OPCML: variants seen among roughly 807,000 people sequenced by gnomAD.
OPCML encodes the protein opioid-binding protein/cell adhesion molecule.
Under a neutral mutation model 37.8 loss-of-function variants are expected in OPCML, and 13 were observed. The ratio of observed to expected loss-of-function variants is 0.34; its 90% CI spans 0.22 to 0.55. The LOEUF (loss-of-function observed/expected upper bound fraction) is 0.55, where lower values mean the gene tolerates loss of function less well. Among genes scored for constraint, OPCML ranks in the 20% least tolerant of loss-of-function variants. The pLI, the probability that OPCML is intolerant of heterozygous loss-of-function variation, is 0.91. For missense variants in OPCML, 341 were observed against 435.6 expected, an observed-to-expected ratio of 0.78 and a Z score of 1.93; for synonymous variants, 176 against 168.8, an observed-to-expected ratio of 1.04 and a Z score of -0.33.
At chr11:132,421,193 T>C (rs897212949) in intron 7 of OPCML, among the ~76,000 whole-genome samples, 1 of 152,198 alleles carries the variant, frequency 6.6e-6, no homozygotes, top group African/African-American at 2.4e-5. Context: ...CCATCACCTT[T>C]ATCAGCAAGC....
At chr11:133,521,874 G>A (rs866410219) in intron 1 of OPCML, among the ~76,000 whole-genome samples, 2 of 152,326 alleles carry the variant, frequency 1.3e-5, no homozygotes, top group Middle Eastern at 3.4e-3. Context: ...TTTCTTCCTA[G>A]AATGGAAATT....
At chr11:132,521,894 T>A (rs1273300312) in intron 4 of OPCML, among the ~76,000 whole-genome samples, 1 of 152,188 alleles carries the variant, frequency 6.6e-6, no homozygotes, top group Non-Finnish European at 1.5e-5. Flanking sequence ...TCGGCAACAT[T>A]CAGTCACACA....
chr11:133,095,989 T>C (rs1415557481), intron 1 of OPCML, among the ~76,000 whole-genome samples: 1 of 151,810 alleles, frequency 6.6e-6, no homozygotes, highest in Non-Finnish European at 1.5e-5. Flanking sequence ...AAACTATATG[T>C]CAGAAACTCA....
chr11:133,024,549 A>C (rs907245835), intron 1 of OPCML: 2 of 985,176 alleles, frequency 2.0e-6, no homozygotes, highest in African/African-American at 3.5e-5. Context: ...CTTTGCACGT[A>C]ATTCATGTAC....
chr11:133,478,135 G>A (rs574291716), intron 1 of OPCML, among the ~76,000 whole-genome samples: 26 of 152,256 alleles, frequency 1.7e-4, no homozygotes, highest in African/African-American at 3.9e-4. Context: ...GCTAAGATGC[G>A]TCAGGGTGGC....
chr11:133,118,800 C>G (rs1019789402), intron 1 of OPCML, among the ~76,000 whole-genome samples: 2 of 152,164 alleles, frequency 1.3e-5, no homozygotes, highest in African/African-American at 4.8e-5. Flanking sequence ...CCTCCCTCTC[C>G]CAATAAAGTG....
intron 4 of OPCML, among the ~76,000 whole-genome samples, chr11:132,508,711 C>A (rs967228769): frequency 1.8e-4 from 28 of 152,128 alleles, no homozygotes; most frequent in African/African-American, 6.8e-4. Flanking sequence ...TCCTCATTTT[C>A]TCTTGTCACC....
intron 3 of OPCML, among the ~76,000 whole-genome samples, chr11:132,531,073 C>T (rs1398987755): frequency 1.3e-5 from 2 of 152,156 alleles, no homozygotes; most frequent in Non-Finnish European, 2.9e-5. Flanking sequence ...TGTCTTCTGA[C>T]TGTCTTTGCA....
chr11:133,243,411 A>T (rs960712847), intron 1 of OPCML, among the ~76,000 whole-genome samples: 1 of 152,212 alleles, frequency 6.6e-6, no homozygotes, highest in African/African-American at 2.4e-5. Context: ...ACCAGCCACC[A>T]AATAACTTGA....
At chr11:132,537,798 T>A (rs904387650) in intron 3 of OPCML, among the ~76,000 whole-genome samples, 30 of 152,054 alleles carry the variant, frequency 2.0e-4, no homozygotes, top group African/African-American at 7.0e-4. Context: ...TAATCGCCAA[T>A]AAGCACATAA....
intron 1 of OPCML, among the ~76,000 whole-genome samples, chr11:133,321,844 C>T (rs1943337414): frequency 6.6e-6 from 1 of 152,046 alleles, no homozygotes. Context: ...ACCTGCGTGA[C>T]TATTTCAAAC....
chr11:132,739,721 T>C (rs1429287610), intron 2 of OPCML, among the ~76,000 whole-genome samples: 1 of 152,218 alleles, frequency 6.6e-6, no homozygotes, highest in Non-Finnish European at 1.5e-5. Flanking sequence ...TTGTGTTCAT[T>C]ATATTATTTT....
chr11:132,787,037 G>A (rs1393511105), intron 2 of OPCML, among the ~76,000 whole-genome samples: 1 of 152,280 alleles, frequency 6.6e-6, no homozygotes, highest in Middle Eastern at 3.4e-3. Context: ...ACACCCCTGA[G>A]ATTCTGAATC....
chr11:132,473,621 T>C (rs1004883152), intron 4 of OPCML, among the ~76,000 whole-genome samples: 2 of 151,910 alleles, frequency 1.3e-5, no homozygotes, highest in African/African-American at 2.4e-5. Context: ...AGCCTGGGAG[T>C]TCGAGACCAG....
chr11:133,141,857 C>T (rs1949828404), intron 1 of OPCML, among the ~76,000 whole-genome samples: 1 of 152,150 alleles, frequency 6.6e-6, no homozygotes, highest in Non-Finnish European at 1.5e-5. Context: ...TTCAATCTAT[C>T]AACAAATCTG....
At chr11:133,052,522 A>G (rs1253501599) in intron 1 of OPCML, among the ~76,000 whole-genome samples, 1 of 152,118 alleles carries the variant, frequency 6.6e-6, no homozygotes, top group African/African-American at 2.4e-5. Context: ...ACTTTAGGGG[A>G]CATCTGCCCT....
At chr11:132,652,385 C>CACACACAG (rs3222177) in intron 3 of OPCML, among the ~76,000 whole-genome samples, 1 of 126,874 alleles carries the variant, frequency 7.9e-6, no homozygotes, top group Non-Finnish European at 1.6e-5. Context: ...CACACACACA[C>CACACACAG]AGAGAGAGAA....
At chr11:133,531,773 A>AGAGAG (rs1948610438) in intron 1 of OPCML, among the ~76,000 whole-genome samples, 1 of 140,660 alleles carries the variant, frequency 7.1e-6, no homozygotes, top group Non-Finnish European at 1.6e-5. Flanking sequence ...GAGAGAGAGA[A>AGAGAG]AAGAAACAGA....
intron 4 of OPCML, among the ~76,000 whole-genome samples, chr11:132,458,346 C>T (rs147698485): frequency 6.6e-6 from 1 of 152,166 alleles, no homozygotes; most frequent in Non-Finnish European, 1.5e-5. Context: ...AGTGAACACA[C>T]CCCTGACTAG....
Sources: gnomAD v4.1 joint callset for allele counts (sites outside exome capture counted in the v4.1 genomes callset) on GRCh38, gnomAD v4.1.1 for gene constraint, MANE v1.5 for transcripts, NCBI Gene and HGNC (gene_info 2026-07-23, HGNC 2026-07-21) for gene names.